PKHD1: variants seen among roughly 807,000 people sequenced by gnomAD.
PKHD1 encodes fibrocystin.
PKHD1 carries 291 observed loss-of-function variants against 412.0 expected under a neutral mutation model. The ratio of observed to expected loss-of-function variants is 0.71; its 90% CI spans 0.64 to 0.78. The LOEUF is 0.78. Ranked by LOEUF, PKHD1 falls within the 30% of genes least tolerant of loss-of-function variation. PKHD1 has a pLI of 0.00. For missense variants in PKHD1, 4,825 were observed against 4,950.7 expected (o/e 0.97, Z 0.76); for synonymous variants, 1,777 against 1,821.5 (o/e 0.98, Z 0.62).
Position 52,056,793 on chromosome 6 carries a change from T to C in PKHD1, c.1603-5A>G. On this transcript the variant is annotated splice_polypyrimidine_tract_variant and splice_region_variant and intron_variant, in intron 17 of 66. Coordinates refer to ENST00000371117, the MANE Select transcript of PKHD1 (RefSeq NM_138694.4). ...CTCCTCAATGGTTGTTTGAATCTAT[T>C]ACAAAGGAAAAAAATGCCAGGAATT... is the stretch of plus-strand genomic sequence containing the variant. 1 of 1,610,384 alleles carries C rather than the reference T, an allele frequency of 6.2e-7. No individual in the cohort carries two copies. The highest frequency in any genetic ancestry group is 8.5e-7 in the Non-Finnish European group (1 of 1,176,568).
At chr6:52,012,941 C>T (rs1799988402) in intron 34 of PKHD1, among the ~76,000 whole-genome samples, 1 of 152,194 alleles carries the variant, frequency 6.6e-6, no homozygotes, top group South Asian at 2.1e-4. Context: ...AGGGATAACA[C>T]CAAGCTTAGT....
At chr6:51,669,892 T>C (rs9474047) in intron 60 of PKHD1, among the ~76,000 whole-genome samples, 7,275 of 137,950 alleles carry the variant, frequency 0.053, 743 homozygotes, top group African/African-American at 0.2. Context: ...TCTAGTTTGA[T>C]TGCACTGTGG....
intron 65 of PKHD1, among the ~76,000 whole-genome samples, chr6:51,628,661 T>C (rs914718221): frequency 2.0e-5 from 3 of 152,172 alleles, no homozygotes; most frequent in African/African-American, 7.2e-5. Context: ...CTGTTTTGCA[T>C]AGTGGCTGAA....
chr6:51,706,730 T>G (rs1780067181), intron 60 of PKHD1, among the ~76,000 whole-genome samples: 1 of 152,160 alleles, frequency 6.6e-6, no homozygotes, highest in Admixed American at 6.6e-5. Flanking sequence ...TAGAAAAGTG[T>G]GAATCTGATT....
chr6:51,926,443 A>C (rs1785637735), intron 37 of PKHD1, among the ~76,000 whole-genome samples: 1 of 152,150 alleles, frequency 6.6e-6, no homozygotes, highest in Non-Finnish European at 1.5e-5. Flanking sequence ...CTGTCACTTG[A>C]AACCAAAAAA....
At chr6:51,692,093 A>C (rs770049990) in intron 60 of PKHD1, among the ~76,000 whole-genome samples, 1 of 152,056 alleles carries the variant, frequency 6.6e-6, no homozygotes, top group African/African-American at 2.4e-5. Context: ...TCCTTTCTTC[A>C]TCATTCACTT....
intron 27 of PKHD1, among the ~76,000 whole-genome samples, chr6:52,041,994 T>C (rs1183650836): frequency 6.6e-6 from 1 of 152,146 alleles, no homozygotes; most frequent in Admixed American, 6.5e-5. Context: ...CAAAGCCCCT[T>C]ATAACTCTAT....
chr6:51,960,134 T>G, intron 35 of PKHD1, 108 bp from the exon 36 acceptor site: 3 of 1,019,206 alleles, frequency 2.9e-6, no homozygotes, highest in East Asian at 5.0e-5. Flanking sequence ...TCATTGTTTT[T>G]GGGCGGGATA....
At chr6:52,050,422 T>C (rs1198150238) in intron 21 of PKHD1, 127 bp from the exon 22 acceptor site, 4 of 939,390 alleles carry the variant, frequency 4.3e-6, no homozygotes, top group East Asian at 4.8e-5. Context: ...TTCCTACTTA[T>C]CTGCTGCCAT....
rs780266343 is a variant in PKHD1, at chr6:51,904,020, A to G, written c.6831T>C (p.Tyr2277=). The change falls in exon 42 of 67, where the codon TAT becomes TAC. Residue 2277 remains tyrosine (Y), a synonymous_variant. Coordinates refer to ENST00000371117, the MANE Select transcript of PKHD1 (RefSeq NM_138694.4). ...TTCCATGAATTGCCTCCCAGGAGAT[A>G]TATCTCATCTCCGTGCATGTCCCTG... ...LLVGTCTEMR[Y]ISWEAIHGRK... is the part of the protein sequence containing the mutation. 1.3e-6 allele frequency: 2 copies of G among 1,595,990 alleles called. No individual in the cohort carries two copies. Among genetic ancestry groups the G allele is most frequent in the Admixed American group, 1.7e-5 (1 of 59,886 alleles).
Position 52,083,631 on chromosome 6 carries a change from C to T in PKHD1, c.53-376G>A, listed in dbSNP as rs142128206. On this transcript the variant is annotated intron_variant, in intron 2 of 66. Coordinates refer to ENST00000371117, the MANE Select transcript of PKHD1 (RefSeq NM_138694.4). Reference sequence around the variant, plus strand: ...TCCTAATCAAACCCATACTGTCTCTCTCTGCTCTCTTTCCCACTCTTTAAT... The same window carrying T: ...TCCTAATCAAACCCATACTGTCTCTTTCTGCTCTCTTTCCCACTCTTTAAT... Among the ~76,000 whole-genome samples the T allele has an allele frequency of 7.2e-5, 11 of 152,302 alleles. No individual in the cohort carries two copies. The East Asian group carries it at 1.4e-3, about 19-fold the overall frequency.
intron 13 of PKHD1, among the ~76,000 whole-genome samples, chr6:52,064,710 T>A (rs924238013): frequency 5.3e-5 from 8 of 151,452 alleles, no homozygotes; most frequent in Admixed American, 1.3e-4. Context: ...TAGACCATGG[T>A]CTCTTCTGGA....
At chr6:51,939,162 C>T (rs1036193512) in intron 36 of PKHD1, among the ~76,000 whole-genome samples, 2 of 151,130 alleles carry the variant, frequency 1.3e-5, no homozygotes, top group South Asian at 4.2e-4. Flanking sequence ...GGCAAGGACC[C>T]CCCTGACCCC....
At chr6:51,692,505 T>A (rs1175629271) in intron 60 of PKHD1, among the ~76,000 whole-genome samples, 1 of 152,160 alleles carries the variant, frequency 6.6e-6, no homozygotes, top group Non-Finnish European at 1.5e-5. Context: ...TTAAAAATAT[T>A]CACTCTTCCT....
intron 49 of PKHD1, among the ~76,000 whole-genome samples, chr6:51,850,361 G>T (rs1260748064): frequency 1.3e-5 from 2 of 152,162 alleles, no homozygotes; most frequent in Non-Finnish European, 2.9e-5. Flanking sequence ...GCTTAGGATT[G>T]TCTTGGCTAT....
At chr6:51,628,722 C>T (rs2771020) in intron 65 of PKHD1, among the ~76,000 whole-genome samples, 6,492 of 152,236 alleles carry the variant, frequency 0.043, 228 homozygotes, top group African/African-American at 0.093. Context: ...TTCTCCACAA[C>T]CTCGCCAACA....
intron 60 of PKHD1, among the ~76,000 whole-genome samples, chr6:51,712,861 T>C (rs1780817742): frequency 6.6e-6 from 1 of 152,222 alleles, no homozygotes; most frequent in Non-Finnish European, 1.5e-5. Context: ...AAATGTTTGA[T>C]ATGTGTGTTT....
intron 53 of PKHD1, among the ~76,000 whole-genome samples, chr6:51,789,224 A>T (rs1183087068): frequency 6.6e-6 from 1 of 152,232 alleles, no homozygotes; most frequent in Non-Finnish European, 1.5e-5. Flanking sequence ...AGCATGTATT[A>T]AAAATCTTAA....
In PKHD1 at chr6:51,748,348, T is replaced by C. The variant is rs1785519408; in HGVS notation, c.9268A>G (p.Asn3090Asp). ...GIKVNQVKDI[N>D]LHGNVVAGSE... ...CCTGCCACAACGTTGCCATGGAGGTTGATGTCCTTTACCTGGTTCACTTTG... is the reference window on the plus strand; with the variant it reads ...CCTGCCACAACGTTGCCATGGAGGTCGATGTCCTTTACCTGGTTCACTTTG... The change falls in exon 58 of 67, where the codon AAC becomes GAC. Residue 3090 changes from asparagine (N) to aspartate (D), a missense_variant. Coordinates refer to ENST00000371117, the MANE Select transcript of PKHD1 (RefSeq NM_138694.4). 2 of 1,614,100 alleles carry C rather than the reference T, an allele frequency of 1.2e-6. No homozygotes were observed. Among genetic ancestry groups the C allele is most frequent in the Non-Finnish European group, 1.7e-6 (2 of 1,179,962 alleles).
Sources: allele counts gnomAD v4.1 joint callset (sites outside exome capture counted in the v4.1 genomes callset), GRCh38; gene constraint gnomAD v4.1.1; transcripts MANE v1.5; gene names NCBI Gene and HGNC (gene_info 2026-07-23, HGNC 2026-07-21).